Variants in CDK8 observed in about 807,000 individuals in gnomAD.
CDK8 encodes cyclin dependent kinase 8.
CDK8 carries 29 observed loss-of-function variants against 71.5 expected under a neutral mutation model. The ratio of observed to expected loss-of-function variants is 0.41; its 90% CI spans 0.30 to 0.55. CDK8 has a LOEUF of 0.55. Ranked by LOEUF, CDK8 falls within the 20% of genes least tolerant of loss-of-function variation. CDK8 has a pLI of 0.37. For missense variants in CDK8, 288 were observed against 572.6 expected (o/e 0.50, Z 5.07); for synonymous variants, 161 against 192.1 (o/e 0.84, Z 1.34).
At chr13:26,287,145 T>C (rs1006664095) in intron 1 of CDK8, among the ~76,000 whole-genome samples, 2 of 152,192 alleles carry the variant, frequency 1.3e-5, no homozygotes, top group Non-Finnish European at 2.9e-5. Flanking sequence ...GTACTGGGTA[T>C]CTACTCAGAG....
At chr13:26,344,499 C>A (rs1873377754) in intron 2 of CDK8, among the ~76,000 whole-genome samples, 1 of 152,130 alleles carries the variant, frequency 6.6e-6, no homozygotes, top group Non-Finnish European at 1.5e-5. Context: ...GTGGCTTATG[C>A]CTGTAATCAC....
In CDK8 at chr13:26,357,604, A is replaced by G. The variant is rs142202831; in HGVS notation, c.456+3724A>G. 3.8e-3 allele frequency among the ~76,000 whole-genome samples: 584 copies of G among 152,294 alleles called. 7 individuals carry two copies. Among genetic ancestry groups the G allele is most frequent in the African/African-American group, 0.013 (550 of 41,554 alleles). On this transcript the variant is annotated intron_variant, in intron 4 of 12. Transcript: ENST00000381527. ...AGTCCTGGTTCTGGTATTACCATCT[A>G]TACTGCTTAGGGTTCTCCAGAGATG...
chr13:26,374,868 C>T (rs796854232), intron 4 of CDK8, among the ~76,000 whole-genome samples: 10 of 152,068 alleles, frequency 6.6e-5, no homozygotes, highest in South Asian at 4.2e-4. Flanking sequence ...TCTGTTAATA[C>T]GTATCAAGAA....
intron 4 of CDK8, among the ~76,000 whole-genome samples, chr13:26,369,189 T>A (rs978997510): frequency 1.3e-5 from 2 of 151,736 alleles, no homozygotes; most frequent in African/African-American, 4.8e-5. Context: ...CCCAGCACTT[T>A]GGGAGGCTGA....
chr13:26,297,536 A>G (rs1371881361), intron 1 of CDK8, among the ~76,000 whole-genome samples: 3 of 152,120 alleles, frequency 2.0e-5, no homozygotes, highest in South Asian at 2.1e-4. Context: ...TCTTCCAGTG[A>G]TTCAAGGCTG....
At chr13:26,316,835 T>C (rs896323977) in intron 1 of CDK8, among the ~76,000 whole-genome samples, 3 of 151,880 alleles carry the variant, frequency 2.0e-5, no homozygotes, top group African/African-American at 7.3e-5. Context: ...AATAAATAAA[T>C]TAACTCATAT....
At chr13:26,292,274 C>G (rs1338568070) in intron 1 of CDK8, among the ~76,000 whole-genome samples, 1 of 152,156 alleles carries the variant, frequency 6.6e-6, no homozygotes, top group Non-Finnish European at 1.5e-5. Context: ...TCTCAGGCCT[C>G]ACTACTCAGA....
chr13:26,345,503 T>A (rs1253503097), intron 2 of CDK8, among the ~76,000 whole-genome samples: 1 of 151,736 alleles, frequency 6.6e-6, no homozygotes, highest in East Asian at 2.0e-4. Flanking sequence ...TGCCTCACCC[T>A]CCCAAGTAGC....
chr13:26,305,755 A>T (rs1874015909), intron 1 of CDK8, among the ~76,000 whole-genome samples: 1 of 152,188 alleles, frequency 6.6e-6, no homozygotes, highest in South Asian at 2.1e-4. Context: ...GTGTTATTAA[A>T]TACAGTTGCT....
At chr13:26,389,381 A>T (rs1166377068) in intron 6 of CDK8, among the ~76,000 whole-genome samples, 1 of 151,986 alleles carries the variant, frequency 6.6e-6, no homozygotes, top group East Asian at 2.0e-4. Flanking sequence ...GCTGGTCTCG[A>T]ACTCCTGACC....
At chr13:26,355,564 A>G (rs966616478) in intron 4 of CDK8, among the ~76,000 whole-genome samples, 1 of 152,224 alleles carries the variant, frequency 6.6e-6, no homozygotes, top group Admixed American at 6.5e-5. Context: ...CAGTGAGCCA[A>G]GATCGCGCCA....
In CDK8 at chr13:26,268,141, G is replaced by T. The variant is rs559663545; in HGVS notation, c.128+13372G>T. ...AAAACTCCAAAAACAAAACTTTTTG[G>T]AAAGAAGAAATGGGAGTAAATATAG... is the stretch of plus-strand genomic sequence containing the variant. On this transcript the variant is annotated intron_variant, in intron 1 of 12. Coordinates refer to ENST00000381527, the MANE Select transcript of CDK8 (RefSeq NM_001260.3). Among the ~76,000 whole-genome samples the T allele has an allele frequency of 3.9e-5, 6 of 152,160 alleles. No homozygotes were observed. In the South Asian group the frequency reaches 1.2e-3, roughly 32 times the overall value.
At chr13:26,386,345 C>G (rs1875475685) in intron 6 of CDK8, among the ~76,000 whole-genome samples, 1 of 152,200 alleles carries the variant, frequency 6.6e-6, no homozygotes, top group Non-Finnish European at 1.5e-5. Context: ...GTTGCATTAT[C>G]ATCAAGTAGT....
At chr13:26,346,201 A>G (rs761806749) in intron 2 of CDK8, among the ~76,000 whole-genome samples, 16 of 152,230 alleles carry the variant, frequency 1.1e-4, no homozygotes, top group Admixed American at 2.0e-4. Context: ...AATAGGGGTT[A>G]TATAAATATT....
chr13:26,399,135 G>A (rs1160258292), intron 9 of CDK8, among the ~76,000 whole-genome samples: 1 of 151,610 alleles, frequency 6.6e-6, no homozygotes, highest in Admixed American at 6.6e-5. Context: ...TCAGCCTCCC[G>A]AGTACCTGGG....
chr13:26,263,215 T>A (rs1020614035), intron 1 of CDK8, among the ~76,000 whole-genome samples: 28 of 152,156 alleles, frequency 1.8e-4, no homozygotes, highest in African/African-American at 4.6e-4. Flanking sequence ...CGCTCACTGC[T>A]AGCTCCGCTT....
intron 1 of CDK8, among the ~76,000 whole-genome samples, chr13:26,265,698 G>A (rs1372340185): frequency 1.3e-5 from 2 of 152,162 alleles, no homozygotes; most frequent in Non-Finnish European, 2.9e-5. Context: ...AAGATGGTAT[G>A]TACGGTGAGA....
chr13:26,373,445 T>TA (rs892126681), intron 4 of CDK8, among the ~76,000 whole-genome samples: 87 of 149,262 alleles, frequency 5.8e-4, no homozygotes, highest in Middle Eastern at 3.4e-3. Context: ...TTATCAAGAA[T>TA]AAAAAAAAAA....
chr13:26,290,807 A>G (rs1873258555), intron 1 of CDK8, among the ~76,000 whole-genome samples: 1 of 145,218 alleles, frequency 6.9e-6, no homozygotes, highest in Non-Finnish European at 1.5e-5. Flanking sequence ...TGCAAAAAAC[A>G]AACAAACAAA....
Sources: gnomAD v4.1 joint callset for allele counts (sites outside exome capture counted in the v4.1 genomes callset) on GRCh38, gnomAD v4.1.1 for gene constraint, MANE v1.5 for transcripts, NCBI Gene and HGNC (gene_info 2026-07-23, HGNC 2026-07-21) for gene names.